Variants in GFM2 observed in about 807,000 individuals in gnomAD.
The protein encoded by GFM2 is GTP dependent ribosome recycling factor mitochondrial 2, also known as ribosome-releasing factor 2, mitochondrial.
GFM2 carries 72 observed loss-of-function variants against 95.4 expected under a neutral mutation model. The observed-to-expected ratio is 0.76, with a 90% CI of 0.62 to 0.92. The LOEUF (loss-of-function observed/expected upper bound fraction) is 0.92. Ranked by LOEUF, GFM2 falls within the 40% of genes least tolerant of loss-of-function variation. The pLI is 0.00. For missense variants in GFM2, 825 were observed against 924.1 expected (o/e 0.89, Z 1.39); for synonymous variants, 276 against 317.5 (o/e 0.87, Z 1.39).
chr5:74,756,256 CAT>C (rs1404890547), intron 5 of GFM2, among the ~76,000 whole-genome samples: 1 of 151,952 alleles, frequency 6.6e-6, no homozygotes, highest in Non-Finnish European at 1.5e-5. Flanking sequence ...CAACATTATA[CAT>C]ATATGTGTAT....
chr5:74,728,770 T>TTTTTTTGAGA (rs756604027), intron 17 of GFM2, among the ~76,000 whole-genome samples: 7,657 of 113,376 alleles, frequency 0.068, 911 homozygotes, highest in African/African-American at 0.13. Context: ...TTTTTTTTTT[T>TTTTTTTGAGA]TTTTGAGATG....
At chr5:74,751,059 T>C (rs926338893) in intron 6 of GFM2, among the ~76,000 whole-genome samples, 1 of 152,132 alleles carries the variant, frequency 6.6e-6, no homozygotes, top group Non-Finnish European at 1.5e-5. Flanking sequence ...ACATAAGGCA[T>C]CTAAGCTAGT....
intron 16 of GFM2, 73 bp from the exon 17 acceptor site, chr5:74,730,471 G>T: frequency 9.7e-7 from 1 of 1,026,648 alleles, no homozygotes; most frequent in Non-Finnish European, 1.4e-6. Context: ...ATAAAAGTAT[G>T]ATGTTAATAC....
intron 3 of GFM2, among the ~76,000 whole-genome samples, chr5:74,760,346 AAC>A (rs1744215164): frequency 1.3e-5 from 2 of 152,154 alleles, no homozygotes; most frequent in South Asian, 4.1e-4. Flanking sequence ...TCACATGACA[AAC>A]ACAGTAATGA....
intron 17 of GFM2, among the ~76,000 whole-genome samples, chr5:74,727,217 A>G (rs1209630460): frequency 6.6e-6 from 1 of 152,120 alleles, no homozygotes; most frequent in Non-Finnish European, 1.5e-5. Flanking sequence ...GAGTATATAC[A>G]TATTTATGTA....
intron 16 of GFM2, chr5:74,730,883 G>C (rs541481329): frequency 6.6e-6 from 1 of 152,612 alleles, no homozygotes; most frequent in Non-Finnish European, 1.5e-5. Flanking sequence ...GCATGATCTC[G>C]GCTCACTGCA....
chr5:74,766,189 C>A (rs755326426), intron 1 of GFM2, among the ~76,000 whole-genome samples: 6 of 151,606 alleles, frequency 4.0e-5, no homozygotes, highest in Non-Finnish European at 7.4e-5. Context: ...GCCTGTAGCT[C>A]GCTACTTTTG....
chr5:74,726,283 AG>A (rs1286928294), intron 17 of GFM2, among the ~76,000 whole-genome samples, 157 bp from the exon 18 acceptor site: 1 of 108,072 alleles, frequency 9.3e-6, no homozygotes, highest in Non-Finnish European at 1.9e-5. Context: ...TAAAAATCAG[AG>A]TAAAGAGCTC....
intron 1 of GFM2, among the ~76,000 whole-genome samples, chr5:74,764,019 C>T (rs980319319): frequency 5.9e-5 from 9 of 152,000 alleles, no homozygotes; most frequent in South Asian, 2.1e-4. Flanking sequence ...AAAGATATGG[C>T]GATACAGTAG....
Position 74,751,406 on chromosome 5 carries a change from T to A in GFM2, c.392A>T (p.Asp131Val). The change falls in exon 6 of 21, where the codon GAT becomes GTT. Residue 131 changes from aspartate (D) to valine (V), a missense_variant. Coordinates refer to ENST00000296805, the MANE Select transcript of GFM2 (RefSeq NM_032380.5). ...TAGATTGACTCTATAACCTTTCCAA[T>A]CAAATGTAACAGCAGCTGATTGAAT... is the stretch of plus-strand genomic sequence containing the variant. ...ITIQSAAVTF[D>V]WKGYRVNLID... 6.2e-7 allele frequency: 1 copy of A among 1,613,226 alleles called. No homozygotes were observed. Among genetic ancestry groups the A allele is most frequent in the Non-Finnish European group, 8.5e-7 (1 of 1,179,246 alleles).
chr5:74,752,164 T>G (rs1292446712), intron 5 of GFM2, among the ~76,000 whole-genome samples: 1 of 152,170 alleles, frequency 6.6e-6, no homozygotes, highest in Non-Finnish European at 1.5e-5. Context: ...CTCATACAAC[T>G]TCTACAGTAT....
Position 74,738,412 on chromosome 5 carries a change from C to T in GFM2, c.1226G>A (p.Arg409Lys), listed in dbSNP as rs897046003. Residue 409 changes from arginine (R) to lysine (K), a missense_variant, in exon 14 of 21, where the codon AGA becomes AAA. Physicochemically the swap from Arg to Lys is conservative, Grantham distance 26. Transcript: ENST00000296805. ...IHNINGNCTE[R>K]ISRLLLPFAD... ...AAACGGCAAAAGCAGACGACTTATT[C>T]TCTCCCTGTAAAATCACAATTTTAT... 7 of 1,613,096 alleles carry T rather than the reference C, an allele frequency of 4.3e-6. No individual in the cohort carries two copies. The African/African-American group carries it at 9.3e-5, about 22-fold the overall frequency.
At chr5:74,722,766 G>A (rs536329331) in intron 19 of GFM2, 2 of 444,956 alleles carry the variant, frequency 4.5e-6, no homozygotes, top group South Asian at 3.7e-5. Flanking sequence ...TATGATGCAA[G>A]GGGATGTTTA....
chr5:74,762,097 A>T (rs1392415851), intron 2 of GFM2, among the ~76,000 whole-genome samples: 1 of 152,216 alleles, frequency 6.6e-6, no homozygotes, highest in Admixed American at 6.5e-5. Flanking sequence ...CACAAATGGA[A>T]TACAGAAATA....
At chr5:74,739,493 TATTAATGTCAGG>T (rs1402733942) in intron 12 of GFM2, among the ~76,000 whole-genome samples, 2 of 152,150 alleles carry the variant, frequency 1.3e-5, no homozygotes, top group East Asian at 3.8e-4. Context: ...TATGAAAAGT[TATTAATGTCAGG>T]ATTAAGATAA....
rs772321151 is a variant in GFM2, at chr5:74,722,607, TTAAAA to T, written c.2029-51_2029-47del. ...TAACTTATCTTTCATAAATAAAAAC[TTAAAA>T]TAAATACAGCCTAGAGCTCATACAA... On this transcript the variant is annotated intron_variant, in intron 19 of 20. Transcript: ENST00000296805. The T allele has an allele frequency of 5.6e-5, 83 of 1,481,356 alleles. 1 individual carries two copies. Among genetic ancestry groups the T allele is most frequent in the East Asian group, 3.0e-4 (13 of 43,122 alleles). 91.8% of individuals were successfully genotyped at this position (1,481,356 alleles called of 1,614,324 possible).
At position 74,749,829 on chromosome 5, in the gene GFM2, TTATG is replaced by T. The variant is rs761604304; in HGVS notation, c.519+746_519+749del. Among the ~76,000 whole-genome samples, 9 of 152,336 alleles carry T rather than the reference TTATG, an allele frequency of 5.9e-5. No homozygotes were observed. In the East Asian group the frequency reaches 1.7e-3, roughly 29 times the overall value. ...AGTTCCAGGAATCAACTTTTGTTATTTATGTTTCATGCTTCTTATGTCCTCTAAG... is the reference window on the plus strand; with the variant it reads ...AGTTCCAGGAATCAACTTTTGTTATTTTTCATGCTTCTTATGTCCTCTAAG... On this transcript the variant is annotated intron_variant, in intron 7 of 20. Coordinates refer to ENST00000296805, the MANE Select transcript of GFM2 (RefSeq NM_032380.5).
At chr5:74,762,210 G>A (rs868025510) in intron 2 of GFM2, among the ~76,000 whole-genome samples, 2 of 152,130 alleles carry the variant, frequency 1.3e-5, no homozygotes, top group Admixed American at 6.6e-5. Context: ...AACTGTAGAC[G>A]AATGGTAAGG....
chr5:74,736,867 A>C lies in GFM2; in HGVS notation c.1439T>G (p.Leu480Trp), dbSNP rs1487408730. Residue 480 changes from leucine to tryptophan, a missense_variant, in exon 15 of 21, where the codon TTG becomes TGG. Transcript: ENST00000296805. ...RQNNEAERLL[L>W]AGVEIPEPVF... ...AGGTTCTGGAATCTCCACTCCAGCC[A>C]ATAAAAGTCTCTCTGCTTCATTGTT... is the stretch of plus-strand genomic sequence containing the variant. 3 of 1,613,832 alleles carry C rather than the reference A, an allele frequency of 1.9e-6. No homozygotes were observed. In the African/African-American group the frequency reaches 4.0e-5, roughly 22 times the overall value.
Sources: allele counts gnomAD v4.1 joint callset (sites outside exome capture counted in the v4.1 genomes callset), GRCh38; gene constraint gnomAD v4.1.1; transcripts MANE v1.5; gene names NCBI Gene and HGNC (gene_info 2026-07-23, HGNC 2026-07-21).